Variants in FAM135B observed in about 807,000 individuals in gnomAD.
FAM135B encodes protein FAM135B.
FAM135B carries 43 observed loss-of-function variants against 127.7 expected under a neutral mutation model. That is an observed-to-expected ratio of 0.34 (90% CI 0.26 to 0.43). The LOEUF is 0.43. FAM135B is among the 20% of genes least tolerant of loss of function. The pLI, the probability that FAM135B is intolerant of heterozygous loss-of-function variation, is 1.00. For missense variants in FAM135B, 1,558 were observed against 1,725.6 expected (o/e 0.90, Z 1.72); for synonymous variants, 670 against 665.1 (o/e 1.01, Z -0.11).
At chr8:138,174,269 T>C (rs1385826875) in intron 11 of FAM135B, among the ~76,000 whole-genome samples, 1 of 152,182 alleles carries the variant, frequency 6.6e-6, no homozygotes, top group Non-Finnish European at 1.5e-5. Context: ...ACAGCTGAGT[T>C]TCACCTGTGC....
chr8:138,409,426 G>GAAAAATAAT (rs1833723738), intron 1 of FAM135B, among the ~76,000 whole-genome samples: 1 of 152,040 alleles, frequency 6.6e-6, no homozygotes, highest in Non-Finnish European at 1.5e-5. Flanking sequence ...ATAATGAAAA[G>GAAAAATAAT]GTATGAAAAT....
chr8:138,331,035 T>G (rs1828139879), intron 2 of FAM135B, among the ~76,000 whole-genome samples: 1 of 151,984 alleles, frequency 6.6e-6, no homozygotes, highest in South Asian at 2.1e-4. Context: ...AGAGATGGGG[T>G]TTCTCCATGT....
At chr8:138,237,171 T>G (rs934947803) in intron 7 of FAM135B, among the ~76,000 whole-genome samples, 12 of 148,200 alleles carry the variant, frequency 8.1e-5, no homozygotes, top group Admixed American at 4.0e-4. Context: ...TTTTTTTTTT[T>G]TTTGTTGGAG....
chr8:138,202,066 G>A (rs376510106), intron 7 of FAM135B, among the ~76,000 whole-genome samples: 2 of 133,404 alleles, frequency 1.5e-5, no homozygotes, highest in South Asian at 2.4e-4. Context: ...TGGAGGTTGC[G>A]GTGAGCAAAG....
intron 2 of FAM135B, among the ~76,000 whole-genome samples, chr8:138,336,984 T>G: frequency 6.6e-6 from 1 of 152,140 alleles, no homozygotes. Context: ...ATCCAGCATA[T>G]AAACAGAACC....
intron 2 of FAM135B, among the ~76,000 whole-genome samples, chr8:138,364,820 A>G (rs570065426): frequency 6.6e-6 from 1 of 152,270 alleles, no homozygotes; most frequent in South Asian, 2.1e-4. Context: ...TTAAAAATAG[A>G]TATTTTATAT....
chr8:138,259,791 A>G (rs1479769342), intron 4 of FAM135B, among the ~76,000 whole-genome samples: 6 of 152,292 alleles, frequency 3.9e-5, no homozygotes, highest in East Asian at 3.9e-4. Context: ...CAATAATTCA[A>G]TGAGGTATTC....
At chr8:138,387,852 C>T (rs1342658675) in intron 1 of FAM135B, among the ~76,000 whole-genome samples, 1 of 152,178 alleles carries the variant, frequency 6.6e-6, no homozygotes, top group East Asian at 1.9e-4. Flanking sequence ...TCCCTGCCTC[C>T]TCCATCCTCT....
chr8:138,433,303 C>G (rs772575033), intron 1 of FAM135B, among the ~76,000 whole-genome samples: 4 of 151,996 alleles, frequency 2.6e-5, no homozygotes, highest in Non-Finnish European at 5.9e-5. Context: ...GGGCAGATCA[C>G]TTGAGGTCAG....
chr8:138,329,306 G>C (rs1024259830), intron 2 of FAM135B, among the ~76,000 whole-genome samples: 1 of 152,194 alleles, frequency 6.6e-6, no homozygotes, highest in African/African-American at 2.4e-5. Flanking sequence ...CCACCAGCAT[G>C]TGTCTCTTTT....
At chr8:138,481,658 C>G (rs1814785905) in intron 1 of FAM135B, among the ~76,000 whole-genome samples, 1 of 152,172 alleles carries the variant, frequency 6.6e-6, no homozygotes, top group Non-Finnish European at 1.5e-5. Context: ...CACAGCCAGC[C>G]TTTGGTCATG....
intron 1 of FAM135B, among the ~76,000 whole-genome samples, chr8:138,434,288 T>C (rs1835349897): frequency 6.6e-6 from 1 of 152,204 alleles, no homozygotes; most frequent in Non-Finnish European, 1.5e-5. Flanking sequence ...CTCTTTGATT[T>C]ATTCAATTCT....
chr8:138,355,313 C>G (rs1321501210), intron 2 of FAM135B, among the ~76,000 whole-genome samples: 1 of 152,132 alleles, frequency 6.6e-6, no homozygotes, highest in Non-Finnish European at 1.5e-5. Flanking sequence ...AGACTTGGAA[C>G]CAACCCAAAT....
intron 2 of FAM135B, among the ~76,000 whole-genome samples, chr8:138,342,738 G>A (rs981727451): frequency 2.6e-5 from 4 of 152,202 alleles, no homozygotes; most frequent in African/African-American, 9.6e-5. Flanking sequence ...CTGTACAACC[G>A]AGTTCAGATA....
At chr8:138,445,089 C>A (rs1176481813) in intron 1 of FAM135B, among the ~76,000 whole-genome samples, 2 of 152,152 alleles carry the variant, frequency 1.3e-5, no homozygotes, top group Non-Finnish European at 2.9e-5. Flanking sequence ...TACACCCTCC[C>A]AAGACTAAAC....
At chr8:138,195,414 A>G (rs1816530959) in intron 8 of FAM135B, 107 bp from the exon 9 acceptor site, 1 of 1,026,484 alleles carries the variant, frequency 9.7e-7, no homozygotes, top group Non-Finnish European at 1.5e-6. Context: ...AACGTCACAG[A>G]GACAAACACA....
intron 1 of FAM135B, among the ~76,000 whole-genome samples, chr8:138,392,907 A>G (rs1022339926): frequency 1.4e-4 from 22 of 152,150 alleles, no homozygotes; most frequent in African/African-American, 4.8e-4. Context: ...TCGGTGTTGT[A>G]TTAGTCTGTT....
In FAM135B at chr8:138,250,991, G is replaced by A. The variant is rs779319110; in HGVS notation, c.392C>T (p.Pro131Leu). 70 of 1,613,748 alleles carry A rather than the reference G, an allele frequency of 4.3e-5. No homozygotes were observed. The East Asian group carries it at 1.2e-3, about 29-fold the overall frequency. The change falls in exon 6 of 20, where the codon CCG (proline) becomes CTG (leucine). Residue 131 changes from proline (P) to leucine (L), a missense_variant. By Grantham distance (98) the Pro-to-Leu change is moderately conservative. This residue lies in a region of FAM135B where 199 missense variants were observed against 245.7 expected (regional missense o/e 0.81). Transcript: ENST00000395297. ...EQQLRDVAGA[P>L]MVSSRTLGLH... ...GCCAAGCGTTCGGCTGCTGACCATC[G>A]GTGCCCCAGCCACATCCCTCAACCT...
chr8:138,480,177 T>G (rs1312487764), intron 1 of FAM135B, among the ~76,000 whole-genome samples: 1 of 152,130 alleles, frequency 6.6e-6, no homozygotes, highest in Non-Finnish European at 1.5e-5. Flanking sequence ...TTTCCTCATG[T>G]GAATTCCATG....
Sources: allele counts gnomAD v4.1 joint callset (sites outside exome capture counted in the v4.1 genomes callset), GRCh38; gene constraint gnomAD v4.1.1; regional missense constraint gnomAD v4.1.1; transcripts MANE v1.5; gene names NCBI Gene and HGNC (gene_info 2026-07-23, HGNC 2026-07-21).